The following PCDH9 variants were observed in gnomAD, a reference collection of about 807,000 sequenced individuals.
PCDH9 encodes the protein protocadherin-9.
In PCDH9, 24 loss-of-function variants were observed where a neutral mutation model predicts 70.6. The observed-to-expected ratio is 0.34, with a 90% CI of 0.25 to 0.48. The LOEUF (loss-of-function observed/expected upper bound fraction) is 0.48. Ranked by LOEUF, PCDH9 falls within the 20% of genes least tolerant of loss-of-function variation. The pLI is 0.99. For synonymous variants in PCDH9, 562 were observed against 558.5 expected, an observed-to-expected ratio of 1.01 and a Z score of -0.09; for missense variants, 1,281 against 1,503.6, an observed-to-expected ratio of 0.85 and a Z score of 2.45.
chr13:66,876,722 G>A (rs981488004), intron 3 of PCDH9: 5 of 152,022 alleles, frequency 3.3e-5, no homozygotes, highest in African/African-American at 1.2e-4. Flanking sequence ...GAGAAAAGAG[G>A]TTTCTAGAGA....
intron 2 of PCDH9, among the ~76,000 whole-genome samples, chr13:67,037,530 A>C (rs1429562038): frequency 6.6e-6 from 1 of 152,216 alleles, no homozygotes; most frequent in African/African-American, 2.4e-5. Context: ...AATTGACAGA[A>C]TATAAATAGA....
intron 2 of PCDH9, among the ~76,000 whole-genome samples, chr13:67,105,914 A>AAT (rs1159900710): frequency 1.3e-5 from 2 of 150,934 alleles, no homozygotes; most frequent in African/African-American, 2.4e-5. Context: ...ATATCTAAGA[A>AAT]ATATACATAT....
intron 4 of PCDH9, among the ~76,000 whole-genome samples, chr13:66,592,373 C>A (rs1009183576): frequency 6.6e-6 from 1 of 151,598 alleles, no homozygotes; most frequent in African/African-American, 2.4e-5. Flanking sequence ...CTATTTCATG[C>A]TTTCCTGCCT....
Position 66,629,666 on chromosome 13 carries a change from A to G in PCDH9, c.3340+1544T>C, listed in dbSNP as rs1423267356. Among the ~76,000 whole-genome samples the G allele has an allele frequency of 2.0e-5, 3 of 152,144 alleles. No individual in the cohort carries two copies. In the East Asian group the frequency reaches 5.8e-4, roughly 29 times the overall value. Reference sequence around the variant, plus strand: ...GATGCACTTATGTTTTCTTTATGTGACCAAGGTATAGGACATGAAATAACA... The same window carrying G: ...GATGCACTTATGTTTTCTTTATGTGGCCAAGGTATAGGACATGAAATAACA... On this transcript the variant is annotated intron_variant, in intron 4 of 4. Transcript: ENST00000377865.
chr13:66,364,184 A>C (rs1956517242), intron 4 of PCDH9, among the ~76,000 whole-genome samples: 1 of 152,056 alleles, frequency 6.6e-6, no homozygotes, highest in African/African-American at 2.4e-5. Flanking sequence ...AAAAGGAAGA[A>C]AGAAACAGTT....
intron 4 of PCDH9, among the ~76,000 whole-genome samples, chr13:66,318,592 C>T (rs1192519602): frequency 2.6e-5 from 4 of 151,978 alleles, no homozygotes; most frequent in Admixed American, 1.3e-4. Flanking sequence ...CCTGTATTAC[C>T]CTCAGAATAA....
Position 66,683,996 on chromosome 13 carries a change from T to C in PCDH9, c.3139-52585A>G, listed in dbSNP as rs570296587. Among the ~76,000 whole-genome samples, 10 of 152,320 alleles carry C rather than the reference T, an allele frequency of 6.6e-5. No individual in the cohort carries two copies. The East Asian group carries it at 1.7e-3, about 26-fold the overall frequency. On this transcript the variant is annotated intron_variant, in intron 3 of 4. Transcript: ENST00000377865. The stretch of plus-strand genomic sequence containing the variant: ...TTCAAGATTCTGTGCCTTATTGCCT[T>C]TAAATAGAGCATACACTTCCAGGGA...
At chr13:66,406,075 T>G (rs1288054601) in intron 4 of PCDH9, among the ~76,000 whole-genome samples, 1 of 152,122 alleles carries the variant, frequency 6.6e-6, no homozygotes, top group Non-Finnish European at 1.5e-5. Context: ...CTTGCTGCTT[T>G]GGGCATGCAG....
chr13:66,933,068 T>A (rs2082842960), intron 2 of PCDH9, among the ~76,000 whole-genome samples: 1 of 151,918 alleles, frequency 6.6e-6, no homozygotes, highest in Non-Finnish European at 1.5e-5. Flanking sequence ...TGGACACTCG[T>A]TATATTTTGT....
intron 4 of PCDH9, among the ~76,000 whole-genome samples, chr13:66,617,427 T>G (rs1393485753): frequency 6.6e-6 from 1 of 152,186 alleles, no homozygotes; most frequent in Non-Finnish European, 1.5e-5. Context: ...AAATGCTTTC[T>G]TTTTCCTTTC....
chr13:66,944,655 C>T (rs2083057839), intron 2 of PCDH9, among the ~76,000 whole-genome samples: 1 of 152,162 alleles, frequency 6.6e-6, no homozygotes. Context: ...GCTATGCTTA[C>T]TTCTTCATGC....
chr13:66,632,383 T>A (rs2077583079), intron 3 of PCDH9, among the ~76,000 whole-genome samples: 1 of 152,212 alleles, frequency 6.6e-6, no homozygotes, highest in Admixed American at 6.5e-5. Context: ...AGACTATATT[T>A]TAAAAGAGAT....
At chr13:67,211,242 C>T (rs7318837) in intron 2 of PCDH9, 119,685 of 151,868 alleles carry the variant, frequency 0.79, 48,351 homozygotes, top group Middle Eastern at 0.91. Flanking sequence ...GTTTCAATTT[C>T]GTAGTTCATT....
At chr13:66,578,755 TA>T (rs1184871905) in intron 4 of PCDH9, among the ~76,000 whole-genome samples, 1 of 152,118 alleles carries the variant, frequency 6.6e-6, no homozygotes. Flanking sequence ...TAAACAATGC[TA>T]AAAACAATGA....
At chr13:66,824,187 T>G (rs1370316363) in intron 3 of PCDH9, among the ~76,000 whole-genome samples, 2 of 151,360 alleles carry the variant, frequency 1.3e-5, no homozygotes, top group African/African-American at 4.8e-5. Context: ...TTAAATCTAT[T>G]TTAGAAATAC....
At position 66,779,905 on chromosome 13, in the gene PCDH9, G is replaced by A. The variant is rs71446824; in HGVS notation, c.3138+123599C>T. 3.1e-4 allele frequency among the ~76,000 whole-genome samples: 46 copies of A among 146,834 alleles called. 1 individual carries two copies. In the East Asian group the frequency reaches 8.5e-3, roughly 27 times the overall value. Reference sequence around the variant, plus strand: ...TGTGTGTGTGTGTGTGTGTGTGTCCGATATATAGAGCTAGAGAATAAAACA... The same window carrying A: ...TGTGTGTGTGTGTGTGTGTGTGTCCAATATATAGAGCTAGAGAATAAAACA... On this transcript the variant is annotated intron_variant, in intron 3 of 4. Coordinates refer to ENST00000377865, the MANE Select transcript of PCDH9 (RefSeq NM_203487.3).
rs955688304 is a variant in PCDH9, at chr13:66,428,953, A to G, written c.3341-123925T>C. 2.0e-5 allele frequency among the ~76,000 whole-genome samples: 3 copies of G among 151,866 alleles called. No homozygotes were observed. In the East Asian group the frequency reaches 5.8e-4, roughly 29 times the overall value. On this transcript the variant is annotated intron_variant, in intron 4 of 4. Transcript: ENST00000377865. The stretch of plus-strand genomic sequence containing the variant: ...CTGCACATTTAGTGTAATAATGGCC[A>G]TATTTTTATGGTGTGTAACAGGATC...
intron 3 of PCDH9, among the ~76,000 whole-genome samples, chr13:66,651,694 A>G (rs1469904512): frequency 6.6e-6 from 1 of 152,046 alleles, no homozygotes; most frequent in Non-Finnish European, 1.5e-5. Flanking sequence ...CCAAAACCTG[A>G]CAAAAACACA....
At chr13:66,521,627 G>A (rs796140529) in intron 4 of PCDH9, among the ~76,000 whole-genome samples, 7 of 152,190 alleles carry the variant, frequency 4.6e-5, no homozygotes, top group African/African-American at 1.7e-4. Context: ...CCCGTGGTAC[G>A]TGTTATGGTG....
Sources: allele counts gnomAD v4.1 joint callset (sites outside exome capture counted in the v4.1 genomes callset), GRCh38; gene constraint gnomAD v4.1.1; transcripts MANE v1.5; gene names NCBI Gene and HGNC (gene_info 2026-07-23, HGNC 2026-07-21).